FILIP1L: variants seen among roughly 807,000 people sequenced by gnomAD.
FILIP1L encodes the protein filamin A-interacting protein 1-like.
In FILIP1L, 55 loss-of-function variants were observed where a neutral mutation model predicts 96.6. The observed-to-expected ratio is 0.57, with a 90% CI of 0.46 to 0.71. FILIP1L has a LOEUF of 0.71. Among genes scored for constraint, FILIP1L ranks in the 30% least tolerant of loss-of-function variants. The pLI, the probability that FILIP1L is intolerant of heterozygous loss-of-function variation, is 0.00. For missense variants in FILIP1L, 1,304 were observed against 1,321.2 expected, an observed-to-expected ratio of 0.99 and a Z score of 0.20; for synonymous variants, 467 against 473.9, an observed-to-expected ratio of 0.99 and a Z score of 0.19.
chr3:100,075,663 T>C (rs893135761), intron 1 of FILIP1L: 3 of 151,992 alleles, frequency 2.0e-5, no homozygotes, highest in African/African-American at 7.2e-5. Context: ...TGAAGCAACA[T>C]CTATAATATA....
intron 1 of FILIP1L, among the ~76,000 whole-genome samples, chr3:99,956,530 A>T (rs577079632): frequency 1.1e-4 from 17 of 152,244 alleles, no homozygotes; most frequent in Non-Finnish European, 2.1e-4. Context: ...TGATGAGATT[A>T]TAGATGGGGT....
intron 4 of FILIP1L, among the ~76,000 whole-genome samples, chr3:99,918,167 A>G (rs1195132552): frequency 3.3e-5 from 5 of 152,094 alleles, no homozygotes; most frequent in African/African-American, 2.4e-5. Context: ...TAGTAGAGAC[A>G]GGGTTTCACC....
At chr3:99,948,026 T>C (rs2107684644) in intron 1 of FILIP1L, among the ~76,000 whole-genome samples, 1 of 152,234 alleles carries the variant, frequency 6.6e-6, no homozygotes, top group East Asian at 1.9e-4. Flanking sequence ...ACAATGGTGG[T>C]GGTAAGATAA....
intron 1 of FILIP1L, among the ~76,000 whole-genome samples, chr3:99,954,319 ATAT>A (rs1708258771): frequency 6.6e-6 from 1 of 152,206 alleles, no homozygotes; most frequent in Non-Finnish European, 1.5e-5. Flanking sequence ...AGGGAGTATA[ATAT>A]TCATGCTAGA....
chr3:99,960,331 C>A (rs1231357929), intron 1 of FILIP1L, among the ~76,000 whole-genome samples: 1 of 152,066 alleles, frequency 6.6e-6, no homozygotes, highest in Non-Finnish European at 1.5e-5. Flanking sequence ...AAAACGAGGG[C>A]TCCAAAAAGT....
chr3:100,016,443 G>A (rs761359282), intron 1 of FILIP1L, among the ~76,000 whole-genome samples: 3 of 152,114 alleles, frequency 2.0e-5, no homozygotes, highest in African/African-American at 7.2e-5. Context: ...CACCCACCTC[G>A]GAAAGTGCTG....
At chr3:100,096,903 C>T (rs1298255030) in intron 1 of FILIP1L, among the ~76,000 whole-genome samples, 1 of 151,906 alleles carries the variant, frequency 6.6e-6, no homozygotes, top group Non-Finnish European at 1.5e-5. Context: ...CTACTATGTA[C>T]CCACAAAAAT....
chr3:99,897,527 T>A (rs966697164), intron 4 of FILIP1L, among the ~76,000 whole-genome samples: 1 of 152,212 alleles, frequency 6.6e-6, no homozygotes, highest in African/African-American at 2.4e-5. Flanking sequence ...TTACTAGTTA[T>A]TTTTTTAGAT....
chr3:99,830,739 G>T (rs1576492393), intron 5 of FILIP1L, 134 bp from the exon 6 acceptor site: 3 of 381,290 alleles, frequency 7.9e-6, no homozygotes, highest in Non-Finnish European at 1.6e-5. Context: ...TCAGATCAAA[G>T]ATCGTCAGGT....
intron 1 of FILIP1L, among the ~76,000 whole-genome samples, chr3:100,046,316 C>T (rs1009716754): frequency 6.6e-6 from 1 of 152,044 alleles, no homozygotes; most frequent in Non-Finnish European, 1.5e-5. Context: ...TCAGACATGT[C>T]TTAAAAAGGG....
chr3:99,998,937 G>C (rs1360363459), intron 1 of FILIP1L, among the ~76,000 whole-genome samples: 1 of 152,098 alleles, frequency 6.6e-6, no homozygotes, highest in Non-Finnish European at 1.5e-5. Context: ...CACTATCTTT[G>C]GCATAAAATT....
intron 1 of FILIP1L, among the ~76,000 whole-genome samples, chr3:99,958,055 A>G (rs1478461433): frequency 1.4e-5 from 2 of 145,214 alleles, no homozygotes; most frequent in Non-Finnish European, 3.0e-5. Context: ...CAGAAATGTC[A>G]CTTCTTTTTT....
At chr3:100,037,115 A>G (rs1249235889) in intron 1 of FILIP1L, among the ~76,000 whole-genome samples, 2 of 151,608 alleles carry the variant, frequency 1.3e-5, no homozygotes, top group African/African-American at 4.9e-5. Context: ...TATTGGGACA[A>G]TTGGTAAAAT....
At chr3:99,923,027 T>C (rs754557941) in intron 4 of FILIP1L, among the ~76,000 whole-genome samples, 49 of 152,298 alleles carry the variant, frequency 3.2e-4, no homozygotes, top group Non-Finnish European at 5.7e-4. Flanking sequence ...TTCACTCTCT[T>C]TTTAAAGTCT....
chr3:99,958,203 C>CATCATT (rs1708390233), intron 1 of FILIP1L, among the ~76,000 whole-genome samples: 4 of 132,708 alleles, frequency 3.0e-5, no homozygotes, highest in Non-Finnish European at 6.4e-5. Context: ...GCCCTGCATG[C>CATCATT]ATTATTATTA....
intron 1 of FILIP1L, among the ~76,000 whole-genome samples, chr3:100,016,154 T>G (rs949063903): frequency 1.3e-5 from 2 of 152,146 alleles, no homozygotes; most frequent in Non-Finnish European, 2.9e-5. Context: ...CTAGACAGTT[T>G]CTGAGTGCTG....
At chr3:100,014,868 TC>T (rs1398567169) in intron 1 of FILIP1L, among the ~76,000 whole-genome samples, 3 of 147,614 alleles carry the variant, frequency 2.0e-5, no homozygotes, top group Admixed American at 6.8e-5. Context: ...TTTGTCTTTT[TC>T]TTTTCTTTTT....
chr3:99,830,402 CA>C lies in FILIP1L; in HGVS notation c.*11del, dbSNP rs1253072640. On this transcript the variant is annotated 3_prime_UTR_variant, in exon 6 of 6. Coordinates refer to ENST00000477258, the MANE Select transcript of FILIP1L (RefSeq NM_001387850.1). ...TGTAGATGAATGTATCCAGGCAGTG[CA>C]TTGGTATGAGTTACCTTCTCCCTCC... The C allele has an allele frequency of 2.4e-6, 1 of 424,834 alleles. No individual in the cohort carries two copies. The highest frequency in any genetic ancestry group is 4.8e-6 in the Non-Finnish European group (1 of 209,770). The allele number at this position is 424,834 out of a possible 1,614,324, so 26.3% of individuals were successfully genotyped here. A position where few individuals can be genotyped will look rare whatever the true frequency, so the allele number is the denominator to read the frequency against.
chr3:99,931,103 A>G, intron 1 of FILIP1L, 73 bp from the exon 2 acceptor site: 1 of 1,252,990 alleles, frequency 8.0e-7, no homozygotes, highest in South Asian at 1.4e-5. Context: ...TTACTGCTTT[A>G]ACAAGTCTAC....
Sources: gnomAD v4.1 joint callset for allele counts (sites outside exome capture counted in the v4.1 genomes callset) on GRCh38, gnomAD v4.1.1 for gene constraint, MANE v1.5 for transcripts, NCBI Gene and HGNC (gene_info 2026-07-23, HGNC 2026-07-21) for gene names.